Variants in RAB5A observed in about 807,000 individuals in gnomAD.
RAB5A encodes the protein ras-related protein Rab-5A.
Under a neutral mutation model 25.7 loss-of-function variants are expected in RAB5A, and 8 were observed. That is an observed-to-expected ratio of 0.31 (90% CI 0.18 to 0.56). The LOEUF is 0.56. RAB5A is among the 20% of genes least tolerant of loss of function. The pLI is 0.91. For missense variants in RAB5A, 192 were observed against 259.7 expected (o/e 0.74, Z 1.79); for synonymous variants, 98 against 89.8 (o/e 1.09, Z -0.52).
chr3:19,981,553 G>A (rs1014440248), intron 5 of RAB5A, among the ~76,000 whole-genome samples: 1 of 152,010 alleles, frequency 6.6e-6, no homozygotes, highest in Non-Finnish European at 1.5e-5. Context: ...GGCAGAGGTT[G>A]TAGCGAGCTG....
chr3:19,967,184 G>A (rs867844851), intron 2 of RAB5A, among the ~76,000 whole-genome samples: 15 of 148,914 alleles, frequency 1.0e-4, no homozygotes, highest in African/African-American at 2.3e-4. Flanking sequence ...TCAGTCTGCC[G>A]CCCAGGCTGG....
intron 2 of RAB5A, among the ~76,000 whole-genome samples, chr3:19,953,029 C>G (rs890231534): frequency 6.7e-6 from 1 of 148,914 alleles, no homozygotes; most frequent in Middle Eastern, 3.4e-3. Context: ...TTGGGACTTA[C>G]TATATGCTAC....
chr3:19,974,235 A>T (rs1422253763), intron 2 of RAB5A, among the ~76,000 whole-genome samples: 1 of 151,684 alleles, frequency 6.6e-6, no homozygotes, highest in Admixed American at 6.6e-5. Flanking sequence ...GCTCACTGCA[A>T]CCTCTGCCTC....
At chr3:19,948,162 G>C (rs1169137399) in intron 1 of RAB5A, among the ~76,000 whole-genome samples, 1 of 152,192 alleles carries the variant, frequency 6.6e-6, no homozygotes, top group Non-Finnish European at 1.5e-5. Flanking sequence ...ACTGGGTAGA[G>C]ACCATGGAAC....
At chr3:19,970,669 G>A (rs1696737113) in intron 2 of RAB5A, 1 of 442,688 alleles carries the variant, frequency 2.3e-6, no homozygotes, top group East Asian at 7.0e-5. Flanking sequence ...ATGGTTCTTA[G>A]CCAGAAAATA....
chr3:19,978,274 A>G (rs970967050), intron 4 of RAB5A, 36 bp from the exon 5 acceptor site: 9 of 1,338,420 alleles, frequency 6.7e-6, no homozygotes, highest in Admixed American at 1.7e-5. Flanking sequence ...TCCAAGAGAT[A>G]TATCTCATAT....
intron 2 of RAB5A, among the ~76,000 whole-genome samples, chr3:19,965,430 A>C (rs1032767230): frequency 2.6e-5 from 4 of 151,868 alleles, no homozygotes; most frequent in Admixed American, 1.3e-4. Flanking sequence ...AAAAAAAAAA[A>C]AAAAAACTTA....
intron 2 of RAB5A, among the ~76,000 whole-genome samples, chr3:19,961,728 C>G (rs1048740181): frequency 1.3e-5 from 2 of 152,160 alleles, no homozygotes; most frequent in Admixed American, 6.6e-5. Context: ...TTCTATCTAG[C>G]CCACTCAGTT....
intron 3 of RAB5A, 140 bp from the exon 4 acceptor site, chr3:19,975,907 G>A (rs1159758100): frequency 1.6e-5 from 20 of 1,263,452 alleles, no homozygotes; most frequent in Middle Eastern, 5.4e-4. Context: ...AAAAAAAAAC[G>A]AAAATGTCTC....
At chr3:19,957,723 T>A (rs1490943652) in intron 2 of RAB5A, among the ~76,000 whole-genome samples, 2 of 99,390 alleles carry the variant, frequency 2.0e-5, no homozygotes, top group African/African-American at 4.2e-5. Context: ...AGAGTGAGAC[T>A]CTGTCTCAAA....
intron 2 of RAB5A, among the ~76,000 whole-genome samples, chr3:19,970,154 C>T (rs904711739): frequency 5.3e-5 from 8 of 152,066 alleles, no homozygotes; most frequent in African/African-American, 1.9e-4. Flanking sequence ...CCCACCTCGG[C>T]CTCCCAAAGT....
In RAB5A at chr3:19,950,941, G is replaced by A. The variant is rs1007656246; in HGVS notation, c.43G>A (p.Gly15Arg). ...AACAAGACCCAACGGGCCAAATACG[G>A]GAAATAAAATATGCCAGTTCAAACT... ...GATRPNGPNT[G>R]NKICQFKLVL... The change falls in exon 2 of 6, where the codon GGA (glycine) becomes AGA (arginine). Residue 15 changes from glycine (G) to arginine (R), a missense_variant. Physicochemically the swap from Gly to Arg is moderately radical, Grantham distance 125. Coordinates refer to ENST00000273047, the MANE Select transcript of RAB5A (RefSeq NM_004162.5). 1.2e-6 allele frequency: 2 copies of A among 1,613,644 alleles called. No homozygotes were observed. Among genetic ancestry groups the A allele is most frequent in the Non-Finnish European group, 1.7e-6 (2 of 1,179,836 alleles).
chr3:19,967,676 A>T (rs1052065485), intron 2 of RAB5A, among the ~76,000 whole-genome samples: 2 of 152,016 alleles, frequency 1.3e-5, no homozygotes, highest in Non-Finnish European at 2.9e-5. Context: ...CTTTTGGAAT[A>T]TTCTCTTTTT....
At chr3:19,977,332 C>T (rs1448135066) in intron 4 of RAB5A, among the ~76,000 whole-genome samples, 1 of 152,174 alleles carries the variant, frequency 6.6e-6, no homozygotes, top group Non-Finnish European at 1.5e-5. Flanking sequence ...CCTCCGCCTC[C>T]AAAAGTGCTA....
intron 2 of RAB5A, among the ~76,000 whole-genome samples, chr3:19,962,879 C>T (rs1425280824): frequency 2.6e-5 from 4 of 151,920 alleles, no homozygotes; most frequent in Non-Finnish European, 5.9e-5. Flanking sequence ...GTGACGCTGT[C>T]ATAGCTCACT....
chr3:19,957,955 T>A (rs1200657321), intron 2 of RAB5A, among the ~76,000 whole-genome samples: 1 of 152,160 alleles, frequency 6.6e-6, no homozygotes, highest in Non-Finnish European at 1.5e-5. Context: ...TCCAAATAAC[T>A]CATGTTTTTC....
At position 19,985,006 on chromosome 3, in the gene RAB5A, T is replaced by C. The variant is rs1482721227; in HGVS notation, c.*1183T>C. 1 of 190,570 alleles carries C rather than the reference T, an allele frequency of 5.2e-6. No individual in the cohort carries two copies. The highest frequency in any genetic ancestry group is 1.1e-5 in the Non-Finnish European group (1 of 92,982). The allele number at this position is 190,570 out of a possible 1,614,324, so 11.8% of individuals were successfully genotyped here. A position where few individuals can be genotyped will look rare whatever the true frequency, so the allele number is the denominator to read the frequency against. ...TATATTGCACTAATTATTTTAGGTA[T>C]TTTCATTATATGAAAGCTACCATGT... On this transcript the variant is annotated 3_prime_UTR_variant, in exon 6 of 6. Coordinates refer to ENST00000273047, the MANE Select transcript of RAB5A (RefSeq NM_004162.5).
chr3:19,951,701 G>GTTTTTTTTTTTTTT (rs61250458), intron 2 of RAB5A, among the ~76,000 whole-genome samples: 994 of 98,958 alleles, frequency 0.01, 99 homozygotes, highest in African/African-American at 0.034. Flanking sequence ...TGCCAGGCAA[G>GTTTTTTTTTTTTTT]TTTTTTTTTT....
intron 2 of RAB5A, among the ~76,000 whole-genome samples, chr3:19,971,736 A>G (rs1161386225): frequency 3.9e-5 from 6 of 152,134 alleles, no homozygotes; most frequent in African/African-American, 1.2e-4. Flanking sequence ...CGGCCTCCCA[A>G]AGTGCTGGGA....
Sources: gnomAD v4.1 joint callset for allele counts (sites outside exome capture counted in the v4.1 genomes callset) on GRCh38, gnomAD v4.1.1 for gene constraint, MANE v1.5 for transcripts, NCBI Gene and HGNC (gene_info 2026-07-23, HGNC 2026-07-21) for gene names.